The following PTH2R variants were observed in gnomAD, a reference collection of about 807,000 sequenced individuals.
The protein encoded by PTH2R is PTH2 receptor.
Under a neutral mutation model 60.3 loss-of-function variants are expected in PTH2R, and 59 were observed. That is an observed-to-expected ratio of 0.98 (90% CI 0.79 to 1.22). The LOEUF is 1.22. PTH2R is among the 50% of genes most tolerant of loss of function. The probability of loss-of-function intolerance (pLI) is 0.00; values close to 1 mark genes in which losing one functional copy is unlikely to be tolerated. For synonymous variants in PTH2R, 256 were observed against 243.8 expected, an observed-to-expected ratio of 1.05 and a Z score of -0.47; for missense variants, 749 against 682.6, an observed-to-expected ratio of 1.10 and a Z score of -1.08.
chr2:208,441,301 G>T (rs1574875560), intron 4 of PTH2R, among the ~76,000 whole-genome samples: 1 of 152,220 alleles, frequency 6.6e-6, no homozygotes. Flanking sequence ...AGTCTGAAGT[G>T]CAGGAGCTTC....
chr2:208,363,098 G>A (rs898656702), intron 1 of PTH2R, among the ~76,000 whole-genome samples: 3 of 152,086 alleles, frequency 2.0e-5, no homozygotes, highest in African/African-American at 7.2e-5. Context: ...TGTCATGGGG[G>A]TTTGGTGTAC....
intron 5 of PTH2R, 70 bp from the exon 6 acceptor site, chr2:208,443,278 C>T (rs1214880034): frequency 3.0e-6 from 4 of 1,344,602 alleles, no homozygotes; most frequent in Admixed American, 5.2e-5. Flanking sequence ...GTGGTGGCAG[C>T]AGTCGCACTG....
intron 11 of PTH2R, among the ~76,000 whole-genome samples, chr2:208,489,939 A>T (rs1703365183): frequency 1.3e-5 from 2 of 152,200 alleles, no homozygotes; most frequent in South Asian, 4.1e-4. Flanking sequence ...CCAAATATTT[A>T]CACAGCTGGC....
intron 1 of PTH2R, among the ~76,000 whole-genome samples, chr2:208,425,906 G>A (rs893009106): frequency 2.0e-5 from 3 of 152,152 alleles, no homozygotes; most frequent in Admixed American, 6.5e-5. Context: ...AGGATCTGTA[G>A]CCTGCTCTGC....
chr2:208,464,293 A>G (rs902532274), intron 9 of PTH2R, among the ~76,000 whole-genome samples: 2 of 152,202 alleles, frequency 1.3e-5, no homozygotes, highest in Non-Finnish European at 2.9e-5. Flanking sequence ...ATTAAATGCA[A>G]TAAATATTTG....
At chr2:208,451,246 G>A (rs140033170) in intron 8 of PTH2R, among the ~76,000 whole-genome samples, 145 of 152,196 alleles carry the variant, frequency 9.5e-4, no homozygotes, top group African/African-American at 3.4e-3. Flanking sequence ...CGATAAGGTA[G>A]CACGAAGGGG....
At chr2:208,432,786 A>C (rs553718675) in intron 2 of PTH2R, among the ~76,000 whole-genome samples, 1 of 152,178 alleles carries the variant, frequency 6.6e-6, no homozygotes, top group Admixed American at 6.5e-5. Context: ...CAAGGATAGG[A>C]TAAATGGATG....
At chr2:208,460,343 A>G (rs1702609645) in intron 9 of PTH2R, among the ~76,000 whole-genome samples, 1 of 152,158 alleles carries the variant, frequency 6.6e-6, no homozygotes, top group Non-Finnish European at 1.5e-5. Context: ...ATAGCAGGAA[A>G]ACAGAGAAAT....
chr2:208,491,251 C>T (rs1369802276), intron 12 of PTH2R, among the ~76,000 whole-genome samples: 2 of 152,152 alleles, frequency 1.3e-5, no homozygotes, highest in South Asian at 2.1e-4. Flanking sequence ...ACTTTTATTG[C>T]GGTACACCAG....
intron 1 of PTH2R, among the ~76,000 whole-genome samples, chr2:208,365,283 T>A (rs1229697416): frequency 6.6e-6 from 1 of 152,232 alleles, no homozygotes; most frequent in Non-Finnish European, 1.5e-5. Flanking sequence ...TCACTGAGTA[T>A]GCCGTTAGCT....
At chr2:208,430,684 C>G (rs976804451) in intron 2 of PTH2R, among the ~76,000 whole-genome samples, 7 of 152,004 alleles carry the variant, frequency 4.6e-5, no homozygotes, top group African/African-American at 1.7e-4. Context: ...GTAGCTGGGA[C>G]TACAGGTGCC....
chr2:208,408,740 A>AGAGAAAGAGAGAGAGAGAGAGAGAG (rs1553542827), intron 1 of PTH2R, among the ~76,000 whole-genome samples: 14 of 123,344 alleles, frequency 1.1e-4, no homozygotes, highest in African/African-American at 2.7e-4. Flanking sequence ...GAGAGAGAGA[A>AGAGAAAGAGAGAGAGAGAGAGAGAG]AGAGAGAGAG....
chr2:208,448,708 C>T (rs1559223441), intron 7 of PTH2R, among the ~76,000 whole-genome samples: 1 of 149,714 alleles, frequency 6.7e-6, no homozygotes, highest in Non-Finnish European at 1.5e-5. Context: ...ATTAAATTTA[C>T]TTAATTTAAC....
chr2:208,386,348 T>G (rs990924476), intron 1 of PTH2R, among the ~76,000 whole-genome samples: 1 of 152,238 alleles, frequency 6.6e-6, no homozygotes, highest in Non-Finnish European at 1.5e-5. Context: ...TTGATGTAGA[T>G]TCAGTACAGC....
At chr2:208,380,806 C>T (rs1700899507) in intron 1 of PTH2R, among the ~76,000 whole-genome samples, 1 of 152,084 alleles carries the variant, frequency 6.6e-6, no homozygotes, top group Non-Finnish European at 1.5e-5. Flanking sequence ...GGACTGTTAG[C>T]TGGTAGACCT....
chr2:208,450,799 G>T lies in PTH2R; in HGVS notation c.904G>T (p.Ala302Ser). Residue 302 changes from alanine to serine, a missense_variant, in exon 8 of 13, where the codon GCT becomes TCT. Physicochemically the swap from Ala to Ser is moderately conservative, Grantham distance 99. Transcript: ENST00000272847. ...AAWAVARATL[A>S]DARCWELSAG... ...ATGGGCTGTGGCACGAGCAACTCTG[G>T]CTGATGCGAGGTGAGTGAAAAGGCA... The T allele has an allele frequency of 6.2e-7, 1 of 1,613,984 alleles. No homozygotes were observed. The highest frequency in any genetic ancestry group is 1.1e-5 in the South Asian group (1 of 91,078).
intron 9 of PTH2R, among the ~76,000 whole-genome samples, chr2:208,472,681 A>G (rs542951148): frequency 6.6e-6 from 1 of 152,266 alleles, no homozygotes; most frequent in East Asian, 1.9e-4. Flanking sequence ...AGTCTCAGGT[A>G]TGTCTTTATC....
intron 10 of PTH2R, among the ~76,000 whole-genome samples, chr2:208,482,566 A>T (rs1408119881): frequency 6.6e-6 from 1 of 152,236 alleles, no homozygotes; most frequent in Non-Finnish European, 1.5e-5. Context: ...AATTTCTAAC[A>T]GAGCCTTAAA....
At chr2:208,471,939 G>A (rs993866714) in intron 9 of PTH2R, among the ~76,000 whole-genome samples, 1 of 152,226 alleles carries the variant, frequency 6.6e-6, no homozygotes, top group Non-Finnish European at 1.5e-5. Flanking sequence ...TGTGAGACAT[G>A]GAGTCAAAGG....
Sources: allele counts gnomAD v4.1 joint callset (sites outside exome capture counted in the v4.1 genomes callset), GRCh38; gene constraint gnomAD v4.1.1; transcripts MANE v1.5; gene names NCBI Gene and HGNC (gene_info 2026-07-23, HGNC 2026-07-21).